Variants in SEMA6D observed in about 807,000 individuals in gnomAD.
The protein encoded by SEMA6D is semaphorin-6D.
SEMA6D carries 35 observed loss-of-function variants against 106.6 expected under a neutral mutation model. The ratio of observed to expected loss-of-function variants is 0.33; its 90% CI spans 0.25 to 0.44. The LOEUF is 0.44. SEMA6D is among the 20% of genes least tolerant of loss of function. The pLI is 1.00. For synonymous variants in SEMA6D, 499 were observed against 487.7 expected, an observed-to-expected ratio of 1.02 and a Z score of -0.31; for missense variants, 1,185 against 1,345.9, an observed-to-expected ratio of 0.88 and a Z score of 1.87.
intron 1 of SEMA6D, among the ~76,000 whole-genome samples, chr15:47,226,912 A>G (rs1027264306): frequency 3.9e-5 from 6 of 151,954 alleles, no homozygotes; most frequent in African/African-American, 1.2e-4. Flanking sequence ...TTATTTTTCT[A>G]ATTGTCTTTC....
At chr15:47,765,747 A>G in intron 13 of SEMA6D, 122 bp from the exon 14 acceptor site, 1 of 900,118 alleles carries the variant, frequency 1.1e-6, no homozygotes, top group Non-Finnish European at 1.6e-6. Context: ...TTCCCAAGCT[A>G]TGTACTTGCC....
At chr15:47,346,565 C>T (rs969379359) in intron 1 of SEMA6D, among the ~76,000 whole-genome samples, 3 of 152,248 alleles carry the variant, frequency 2.0e-5, no homozygotes, top group Middle Eastern at 3.4e-3. Flanking sequence ...AGTTACATGA[C>T]TTTAAATAAA....
intron 1 of SEMA6D, among the ~76,000 whole-genome samples, chr15:47,266,603 C>G (rs1489856519): frequency 1.3e-5 from 2 of 152,114 alleles, no homozygotes; most frequent in African/African-American, 4.8e-5. Flanking sequence ...TTCCATCCCA[C>G]AAATAGAGGC....
intron 4 of SEMA6D, among the ~76,000 whole-genome samples, chr15:47,626,170 G>C (rs1044201881): frequency 2.6e-5 from 4 of 152,166 alleles, no homozygotes; most frequent in African/African-American, 9.7e-5. Context: ...CATAAGCATT[G>C]CTCACCTAAG....
chr15:47,673,223 T>C (rs1420966398), intron 4 of SEMA6D, among the ~76,000 whole-genome samples: 2 of 152,200 alleles, frequency 1.3e-5, no homozygotes, highest in Non-Finnish European at 2.9e-5. Context: ...TACCCAATCA[T>C]AAGAAGCCTG....
intron 4 of SEMA6D, among the ~76,000 whole-genome samples, chr15:47,613,226 C>A (rs980506441): frequency 6.6e-6 from 1 of 152,210 alleles, no homozygotes; most frequent in Non-Finnish European, 1.5e-5. Context: ...CTATCCTACA[C>A]CTTCAATTGG....
At chr15:47,571,729 A>C (rs1032466101) in intron 3 of SEMA6D, among the ~76,000 whole-genome samples, 1 of 152,214 alleles carries the variant, frequency 6.6e-6, no homozygotes, top group African/African-American at 2.4e-5. Flanking sequence ...ACAAATATTA[A>C]GGTTTTGCAA....
At chr15:47,465,104 C>T (rs1217848899) in intron 2 of SEMA6D, among the ~76,000 whole-genome samples, 2 of 152,194 alleles carry the variant, frequency 1.3e-5, no homozygotes, top group African/African-American at 4.8e-5. Context: ...TTGCACAGCA[C>T]CTAGAACATA....
chr15:47,441,188 C>G (rs2041870697), intron 2 of SEMA6D, among the ~76,000 whole-genome samples: 1 of 152,046 alleles, frequency 6.6e-6, no homozygotes, highest in Non-Finnish European at 1.5e-5. Context: ...AAATAGATCA[C>G]CTGTCCTTCC....
chr15:47,675,187 A>G (rs1422060398), intron 4 of SEMA6D, among the ~76,000 whole-genome samples: 1 of 152,252 alleles, frequency 6.6e-6, no homozygotes, highest in Non-Finnish European at 1.5e-5. Context: ...TAACTCTCCA[A>G]CTTTCTGATT....
At chr15:47,475,658 A>G (rs2042982486) in intron 3 of SEMA6D, among the ~76,000 whole-genome samples, 1 of 152,220 alleles carries the variant, frequency 6.6e-6, no homozygotes, top group South Asian at 2.1e-4. Flanking sequence ...GCTGAAAGAG[A>G]GGAAAGTTGC....
chr15:47,662,861 A>G (rs999989180), intron 4 of SEMA6D, among the ~76,000 whole-genome samples: 12 of 120,650 alleles, frequency 9.9e-5, no homozygotes, highest in Middle Eastern at 3.8e-3. Flanking sequence ...ATGAGCGCAC[A>G]CACACACACA....
intron 1 of SEMA6D, among the ~76,000 whole-genome samples, chr15:47,221,543 A>AG (rs916877522): frequency 6.6e-6 from 1 of 152,238 alleles, no homozygotes; most frequent in African/African-American, 2.4e-5. Flanking sequence ...GAACTTGGAT[A>AG]GGAAAAAAAA....
At chr15:47,603,816 G>A (rs2076716311) in intron 4 of SEMA6D, 1 of 151,908 alleles carries the variant, frequency 6.6e-6, no homozygotes, top group Non-Finnish European at 1.5e-5. Context: ...CTGGTGTATT[G>A]TTTCTGTACT....
intron 1 of SEMA6D, among the ~76,000 whole-genome samples, chr15:47,194,267 G>A (rs1196392850): frequency 6.6e-6 from 1 of 152,102 alleles, no homozygotes; most frequent in African/African-American, 2.4e-5. Context: ...GATACAGAAG[G>A]TTAAGTTATT....
intron 3 of SEMA6D, among the ~76,000 whole-genome samples, chr15:47,587,683 A>G (rs1160450181): frequency 6.6e-6 from 1 of 152,192 alleles, no homozygotes; most frequent in Non-Finnish European, 1.5e-5. Flanking sequence ...GCAGCCATAG[A>G]CCATATGAAT....
At chr15:47,566,101 C>T (rs542158604) in intron 3 of SEMA6D, among the ~76,000 whole-genome samples, 9 of 152,308 alleles carry the variant, frequency 5.9e-5, no homozygotes, top group African/African-American at 2.2e-4. Context: ...TACCAGTTAC[C>T]TCATCAGCAA....
chr15:47,520,868 G>A (rs1394057103), intron 3 of SEMA6D, among the ~76,000 whole-genome samples: 1 of 152,212 alleles, frequency 6.6e-6, no homozygotes, highest in East Asian at 1.9e-4. Flanking sequence ...GTGCCTGTTT[G>A]TGGTGTCCTG....
chr15:47,398,842 T>C (rs2040304401), intron 1 of SEMA6D, among the ~76,000 whole-genome samples: 1 of 152,120 alleles, frequency 6.6e-6, no homozygotes, highest in Non-Finnish European at 1.5e-5. Flanking sequence ...GTAAGGACCC[T>C]CATCCATGGA....
Sources: allele counts gnomAD v4.1 joint callset (sites outside exome capture counted in the v4.1 genomes callset), GRCh38; gene constraint gnomAD v4.1.1; transcripts MANE v1.5; gene names NCBI Gene and HGNC (gene_info 2026-07-23, HGNC 2026-07-21).